MCU: variants seen among roughly 807,000 people sequenced by gnomAD.
MCU encodes the protein mitochondrial calcium uniporter.
A neutral mutation model predicts 45.2 loss-of-function variants in MCU; 12 were observed. The observed-to-expected ratio is 0.27, with a 90% CI of 0.17 to 0.43. The LOEUF (loss-of-function observed/expected upper bound fraction) is 0.43, where lower values mean the gene tolerates loss of function less well. Among genes scored for constraint, MCU ranks in the 20% least tolerant of loss-of-function variants. The pLI is 1.00. For missense variants in MCU, 324 were observed against 436.7 expected, an observed-to-expected ratio of 0.74 and a Z score of 2.30; for synonymous variants, 160 against 165.1, an observed-to-expected ratio of 0.97 and a Z score of 0.24.
chr10:72,821,222 CTTT>C (rs75872235), intron 1 of MCU, among the ~76,000 whole-genome samples: 4 of 137,366 alleles, frequency 2.9e-5, no homozygotes, highest in Non-Finnish European at 4.8e-5. Flanking sequence ...GTTTGTAAGA[CTTT>C]TTTTTTTTTT....
intron 6 of MCU, among the ~76,000 whole-genome samples, chr10:72,882,580 TAGGA>T (rs911214868): frequency 2.0e-5 from 3 of 152,202 alleles, no homozygotes; most frequent in African/African-American, 7.2e-5. Flanking sequence ...CCAGGCTTAT[TAGGA>T]AGAGGAAATT....
At chr10:72,712,727 G>C (rs138048036) in intron 1 of MCU, among the ~76,000 whole-genome samples, 1 of 152,156 alleles carries the variant, frequency 6.6e-6, no homozygotes, top group African/African-American at 2.4e-5. Context: ...TAATAATTCT[G>C]TACATATTAG....
In MCU at chr10:72,693,138, GAA is replaced by G; in HGVS notation, c.150+841_150+842del. On this transcript the variant is annotated intron_variant, in intron 1 of 7. Transcript: ENST00000373053. ...TGTTGCTGGGTTTCATTGGCTGGCA[GAA>G]AAAGAGGATTTCTGTTTGAACACTC... 13 of 1,454,880 alleles carry G rather than the reference GAA, an allele frequency of 8.9e-6. No homozygotes were observed. In the South Asian group the frequency reaches 1.5e-4, roughly 16 times the overall value. The allele number at this position is 1,454,880 out of a possible 1,614,324, so 90.1% of individuals were successfully genotyped here.
intron 1 of MCU, among the ~76,000 whole-genome samples, chr10:72,718,966 G>T (rs1271635241): frequency 6.6e-6 from 1 of 152,172 alleles, no homozygotes; most frequent in Non-Finnish European, 1.5e-5. Flanking sequence ...GATCACCTTT[G>T]TTGGGGGTTT....
chr10:72,799,488 A>T (rs752238800), intron 1 of MCU, among the ~76,000 whole-genome samples: 93 of 145,402 alleles, frequency 6.4e-4, no homozygotes, highest in Non-Finnish European at 8.4e-4. Context: ...AATATATAAC[A>T]TTTTTTTTTT....
chr10:72,837,037 T>C (rs1468634750), intron 2 of MCU, among the ~76,000 whole-genome samples: 1 of 152,226 alleles, frequency 6.6e-6, no homozygotes, highest in Non-Finnish European at 1.5e-5. Context: ...TATGGTATTA[T>C]ATGCTTAGTA....
intron 1 of MCU, among the ~76,000 whole-genome samples, chr10:72,695,522 T>G (rs1207576703): frequency 6.6e-6 from 1 of 152,164 alleles, no homozygotes; most frequent in Admixed American, 6.6e-5. Context: ...TGTAGCTGAA[T>G]TTCAGCCTTT....
chr10:72,844,386 C>CA (rs547823336), intron 2 of MCU, among the ~76,000 whole-genome samples: 35 of 150,888 alleles, frequency 2.3e-4, no homozygotes, highest in African/African-American at 5.1e-4. Context: ...GACTCCATCT[C>CA]AAAAAAAATG....
chr10:72,869,920 TATAAA>T (rs1845514468), intron 5 of MCU, among the ~76,000 whole-genome samples: 1 of 152,146 alleles, frequency 6.6e-6, no homozygotes, highest in African/African-American at 2.4e-5. Context: ...GAAACCAAAT[TATAAA>T]ATAGTGTGCA....
At chr10:72,841,252 C>T (rs776102582) in intron 2 of MCU, among the ~76,000 whole-genome samples, 6 of 151,952 alleles carry the variant, frequency 3.9e-5, no homozygotes, top group African/African-American at 9.7e-5. Context: ...TAATGGCTAC[C>T]GGCATCTCTG....
chr10:72,725,175 G>C (rs967685747), intron 1 of MCU, among the ~76,000 whole-genome samples: 21 of 151,772 alleles, frequency 1.4e-4, no homozygotes, highest in Non-Finnish European at 2.8e-4. Context: ...ACCCAGGCTG[G>C]AGTGCAGTGG....
intron 4 of MCU, 136 bp downstream of exon 4, chr10:72,860,663 C>T: frequency 3.2e-6 from 2 of 632,802 alleles, no homozygotes; most frequent in East Asian, 2.8e-5. Context: ...CAGATAGACA[C>T]TATTTCAGTT....
At chr10:72,751,341 C>CTTCTTTTTTTTTTTTTTTTT (rs1474252109) in intron 1 of MCU, among the ~76,000 whole-genome samples, 4 of 44,740 alleles carry the variant, frequency 8.9e-5, no homozygotes, top group African/African-American at 3.4e-4. Flanking sequence ...TCTTCTTCTT[C>CTTCTTTTTTTTTTTTTTTTT]TTTTTTTTTT....
chr10:72,827,851 G>T lies in MCU; in HGVS notation c.151-6508G>T, dbSNP rs78760156. 2.6e-3 allele frequency among the ~76,000 whole-genome samples: 395 copies of T among 152,294 alleles called. 3 individuals carry two copies. The highest frequency in any genetic ancestry group is 9.0e-3 in the African/African-American group (376 of 41,556). ...TCAAGGTAGTGAGTTGTGGAAGTGG[G>T]CCCAAGTCTTCCCACTCCAGTGTTT... On this transcript the variant is annotated intron_variant, in intron 1 of 7. Transcript: ENST00000373053.
rs549773117 is a variant in MCU, at chr10:72,798,961, C to T, written c.151-35398C>T. On this transcript the variant is annotated intron_variant, in intron 1 of 7. Transcript: ENST00000373053. ...CTTTTATTTTTATTTTTTATTTTTT[C>T]GAGACGGAGTCTCACTCTGTCACTC... is the stretch of plus-strand genomic sequence containing the variant. 2.2e-4 allele frequency among the ~76,000 whole-genome samples: 34 copies of T among 151,624 alleles called. No homozygotes were observed. The South Asian group carries it at 4.2e-3, about 19-fold the overall frequency.
At chr10:72,843,109 G>A (rs1046483506) in intron 2 of MCU, among the ~76,000 whole-genome samples, 4 of 152,128 alleles carry the variant, frequency 2.6e-5, no homozygotes, top group Admixed American at 6.6e-5. Flanking sequence ...CCCCATGAGA[G>A]GGATACATTT....
chr10:72,854,633 G>A (rs1179462127), intron 2 of MCU, among the ~76,000 whole-genome samples: 1 of 152,218 alleles, frequency 6.6e-6, no homozygotes, highest in East Asian at 1.9e-4. Context: ...ACCTTCAGCA[G>A]TGCTCCTCAA....
chr10:72,834,545 G>A (rs1413205107), intron 2 of MCU, 117 bp downstream of exon 2: 1 of 762,252 alleles, frequency 1.3e-6, no homozygotes, highest in Non-Finnish European at 2.1e-6. Flanking sequence ...GGTGGGCTTA[G>A]GGGTCAGAGA....
chr10:72,820,660 G>A (rs748434585), intron 1 of MCU, among the ~76,000 whole-genome samples: 73 of 151,998 alleles, frequency 4.8e-4, no homozygotes, highest in Non-Finnish European at 6.5e-4. Flanking sequence ...ACAGGTGCCC[G>A]CCACAATGCC....
Sources: gnomAD v4.1 joint callset for allele counts (sites outside exome capture counted in the v4.1 genomes callset) on GRCh38, gnomAD v4.1.1 for gene constraint, MANE v1.5 for transcripts, NCBI Gene and HGNC (gene_info 2026-07-23, HGNC 2026-07-21) for gene names.